Variants in DLG2 observed in about 807,000 individuals in gnomAD.
DLG2 encodes disks large homolog 2.
A neutral mutation model predicts 132.5 loss-of-function variants in DLG2; 45 were observed. The ratio of observed to expected loss-of-function variants is 0.34; its 90% CI spans 0.27 to 0.44. The LOEUF (loss-of-function observed/expected upper bound fraction) is 0.44. Ranked by LOEUF, DLG2 falls within the 20% of genes least tolerant of loss-of-function variation. The pLI is 1.00. For missense variants in DLG2, 1,045 were observed against 1,196.9 expected (o/e 0.87, Z 1.87); for synonymous variants, 424 against 419.6 (o/e 1.01, Z -0.13).
chr11:84,523,076 C>G (rs1320904260), intron 7 of DLG2, among the ~76,000 whole-genome samples: 1 of 152,162 alleles, frequency 6.6e-6, no homozygotes, highest in African/African-American at 2.4e-5. Flanking sequence ...TAAAACTATT[C>G]TCTGAAGGAC....
At chr11:85,403,062 A>G (rs2088328211) in intron 3 of DLG2, among the ~76,000 whole-genome samples, 1 of 152,188 alleles carries the variant, frequency 6.6e-6, no homozygotes, top group Non-Finnish European at 1.5e-5. Context: ...TTGTGGCACT[A>G]TTCACAATAG....
intron 7 of DLG2, among the ~76,000 whole-genome samples, chr11:84,255,474 C>T (rs1253344988): frequency 6.6e-6 from 1 of 152,160 alleles, no homozygotes; most frequent in Non-Finnish European, 1.5e-5. Context: ...CAGGCACCTG[C>T]CACCACGCCT....
intron 6 of DLG2, among the ~76,000 whole-genome samples, chr11:84,777,542 G>C (rs72945878): frequency 5.3e-4 from 81 of 151,578 alleles, no homozygotes; most frequent in Admixed American, 1.1e-3. Context: ...TTCCATAGAG[G>C]TTGGACTAAT....
At chr11:85,146,397 G>T (rs1423069106) in intron 5 of DLG2, among the ~76,000 whole-genome samples, 1 of 151,992 alleles carries the variant, frequency 6.6e-6, no homozygotes, top group Non-Finnish European at 1.5e-5. Context: ...ACTCTTTCCT[G>T]GCTGCTAGTG....
chr11:84,543,071 G>A (rs1232904774), intron 6 of DLG2, among the ~76,000 whole-genome samples: 1 of 151,924 alleles, frequency 6.6e-6, no homozygotes, highest in African/African-American at 2.4e-5. Flanking sequence ...GGGAAAACAT[G>A]GGTAAAAAAG....
At chr11:85,025,019 A>G (rs1190894050) in intron 6 of DLG2, among the ~76,000 whole-genome samples, 1 of 152,120 alleles carries the variant, frequency 6.6e-6, no homozygotes, top group Non-Finnish European at 1.5e-5. Flanking sequence ...TCACCACCAT[A>G]TTTACGTCTG....
chr11:84,210,958 A>G (rs1189985658), intron 8 of DLG2, among the ~76,000 whole-genome samples: 2 of 152,190 alleles, frequency 1.3e-5, no homozygotes, highest in African/African-American at 4.8e-5. Flanking sequence ...ACACTTTAAG[A>G]TCTGTGCATT....
chr11:84,933,754 C>T (rs1338189002), intron 6 of DLG2, among the ~76,000 whole-genome samples: 2 of 152,162 alleles, frequency 1.3e-5, no homozygotes, highest in African/African-American at 2.4e-5. Context: ...ACTCACAAAG[C>T]TTTTGGGCTG....
intron 17 of DLG2, among the ~76,000 whole-genome samples, chr11:83,824,297 TG>T: frequency 6.6e-6 from 1 of 152,274 alleles, no homozygotes; most frequent in East Asian, 1.9e-4. Flanking sequence ...TACGCCCATG[TG>T]GTCCCTGGAA....
In DLG2 at chr11:85,150,862, T is replaced by G. The variant is rs191233328; in HGVS notation, c.282+3694A>C. 3.9e-5 allele frequency among the ~76,000 whole-genome samples: 6 copies of G among 152,232 alleles called. No homozygotes were observed. In the East Asian group the frequency reaches 1.2e-3, roughly 29 times the overall value. On this transcript the variant is annotated intron_variant, in intron 5 of 27. Transcript: ENST00000376104. ...TGGCTGTGTAAATATTTCTTCAAGA[T>G]CCTGCTTTGAATTCTTTTGGATATT...
chr11:84,544,754 G>A (rs534671798), intron 6 of DLG2, among the ~76,000 whole-genome samples: 1 of 152,246 alleles, frequency 6.6e-6, no homozygotes, highest in South Asian at 2.1e-4. Flanking sequence ...CTGGCATACA[G>A]TGGCTGCTTG....
chr11:85,027,098 T>C (rs922072169), intron 6 of DLG2, among the ~76,000 whole-genome samples: 4 of 147,734 alleles, frequency 2.7e-5, no homozygotes, highest in Non-Finnish European at 4.5e-5. Flanking sequence ...AAAGCAGAAC[T>C]ACTGAGTTAG....
intron 12 of DLG2, among the ~76,000 whole-genome samples, chr11:83,979,787 C>T (rs765816211): frequency 2.6e-5 from 4 of 152,266 alleles, no homozygotes; most frequent in East Asian, 1.9e-4. Context: ...TGTGGAAATA[C>T]GCTTATCAGT....
intron 24 of DLG2, among the ~76,000 whole-genome samples, chr11:83,469,683 G>A (rs11233626): frequency 0.079 from 12,097 of 152,182 alleles, 631 homozygotes; most frequent in Middle Eastern, 0.2. Context: ...CAAATGGAGA[G>A]TTTAGACATC....
chr11:83,695,143 A>G (rs540323886), intron 18 of DLG2, among the ~76,000 whole-genome samples: 2 of 152,246 alleles, frequency 1.3e-5, no homozygotes, highest in Non-Finnish European at 2.9e-5. Context: ...AAAGAAAACC[A>G]TAAGTTGAGT....
At chr11:85,347,079 G>A (rs2082898600) in intron 3 of DLG2, among the ~76,000 whole-genome samples, 1 of 152,068 alleles carries the variant, frequency 6.6e-6, no homozygotes. Context: ...CATTCCAAAA[G>A]TCAAAGAAAC....
At chr11:84,480,388 A>C (rs915849373) in intron 7 of DLG2, among the ~76,000 whole-genome samples, 1 of 152,198 alleles carries the variant, frequency 6.6e-6, no homozygotes, top group Non-Finnish European at 1.5e-5. Flanking sequence ...GAGTTGCATC[A>C]GCGAAACAGG....
chr11:84,991,385 T>C (rs1479383242), intron 6 of DLG2, among the ~76,000 whole-genome samples: 1 of 151,792 alleles, frequency 6.6e-6, no homozygotes, highest in Non-Finnish European at 1.5e-5. Context: ...GGCACTCGCC[T>C]CTTGTCCCAG....
chr11:84,069,631 G>A (rs1038151289), intron 10 of DLG2, among the ~76,000 whole-genome samples: 2 of 152,160 alleles, frequency 1.3e-5, no homozygotes, highest in African/African-American at 4.8e-5. Flanking sequence ...TACAGTGAAT[G>A]TACTGTTTTT....
Sources: gnomAD v4.1 joint callset for allele counts (sites outside exome capture counted in the v4.1 genomes callset) on GRCh38, gnomAD v4.1.1 for gene constraint, MANE v1.5 for transcripts, NCBI Gene and HGNC (gene_info 2026-07-23, HGNC 2026-07-21) for gene names.